Variants in ZBED3 observed in about 807,000 individuals in gnomAD.
ZBED3 encodes zinc finger BED-type containing 3.
For missense variants in ZBED3, 388 were observed against 362.9 expected (o/e 1.07, Z -0.56); for synonymous variants, 175 against 180.0 (o/e 0.97, Z 0.22).
In ZBED3 at chr5:77,076,005, A is replaced by ATG. The variant is rs1332212478; in HGVS notation, c.*1168_*1169insCA. ...TGTATATATATATGTATATATGTAT[A>ATG]TATATATGTATATATGTATATATAT... On this transcript the variant is annotated 3_prime_UTR_variant, in exon 3 of 3. Coordinates refer to ENST00000255198, the MANE Select transcript of ZBED3 (RefSeq NM_032367.4). 4 of 51,632 alleles carry ATG rather than the reference A, an allele frequency of 7.7e-5. No homozygotes were observed. The highest frequency in any genetic ancestry group is 4.2e-4 in the South Asian group (1 of 2,384). The allele number at this position is 51,632 out of a possible 1,614,324, so 3.2% of individuals were successfully genotyped here.
At position 77,077,797 on chromosome 5, in the gene ZBED3, C is replaced by T; in HGVS notation, c.82G>A (p.Gly28Arg). 7.6e-7 allele frequency: 1 copy of T among 1,309,696 alleles called. No individual in the cohort carries two copies. The highest frequency in any genetic ancestry group is 9.7e-7 in the Non-Finnish European group (1 of 1,034,858). 81.1% of individuals were successfully genotyped at this position (1,309,696 alleles called of 1,614,324 possible). The change falls in exon 3 of 3, where the codon GGA (glycine) becomes AGA (arginine). Residue 28 changes from glycine to arginine, a missense_variant. Transcript: ENST00000255198. ...DAAARGGQCPGLGPAPTPTPP... is the reference protein window; with the variant it reads ...DAAARGGQCPRLGPAPTPTPP... ...GTCGGCGTCGGCGCCGGCCCCAGTC[C>T]CGGACACTGACCGCCCCGCGCCGCC...
chr5:77,077,508 G>A lies in ZBED3; in HGVS notation c.371C>T (p.Ala124Val). The A allele has an allele frequency of 4.2e-6, 5 of 1,195,098 alleles. No homozygotes were observed. Among genetic ancestry groups the A allele is most frequent in the African/African-American group, 1.6e-5 (1 of 62,470 alleles). 74.0% of individuals were successfully genotyped at this position (1,195,098 alleles called of 1,614,324 possible). The change falls in exon 3 of 3, where the codon GCC becomes GTC. Residue 124 changes from alanine to valine, a missense_variant. Coordinates refer to ENST00000255198, the MANE Select transcript of ZBED3 (RefSeq NM_032367.4). Reference sequence around the variant, plus strand: ...CAGGCGCGCCCAGTCGCCCTCGGGGGCCGCAGCGGGGCCGGGCGGCGGCGG... The same window carrying A: ...CAGGCGCGCCCAGTCGCCCTCGGGGACCGCAGCGGGGCCGGGCGGCGGCGG... ...PCPPPPGPAA[A>V]PEGDWARLLE...
chr5:77,074,658 A>C lies in ZBED3; in HGVS notation c.*2516T>G, dbSNP rs904942225. On this transcript the variant is annotated 3_prime_UTR_variant, in exon 3 of 3. Transcript: ENST00000255198. ...ATATTAATGTCACTAATTCCAGTCA[A>C]TTCCATTAACTGGAATTAATTAGTT... 1 of 152,214 alleles carries C rather than the reference A, an allele frequency of 6.6e-6. No individual in the cohort carries two copies. 9.4% of individuals were successfully genotyped at this position (152,214 alleles called of 1,614,324 possible).
Position 77,076,605 on chromosome 5 carries a change from G to C in ZBED3, c.*569C>G, listed in dbSNP as rs1561296765. 1 of 152,118 alleles carries C rather than the reference G, an allele frequency of 6.6e-6. No homozygotes were observed. The highest frequency in any genetic ancestry group is 1.5e-5 in the Non-Finnish European group (1 of 68,078). The allele number at this position is 152,118 out of a possible 1,614,324, so 9.4% of individuals were successfully genotyped here. A position where few individuals can be genotyped will look rare whatever the true frequency, so the allele number is the denominator to read the frequency against. On this transcript the variant is annotated 3_prime_UTR_variant, in exon 3 of 3. Transcript: ENST00000255198. ...CCGATGAGGGCTAGAGATGATGCGG[G>C]TCTACAGCAGTCATGGAAACTAGAG...
At chr5:77,084,510 A>C (rs1239996360) in intron 1 of ZBED3, among the ~76,000 whole-genome samples, 1 of 152,164 alleles carries the variant, frequency 6.6e-6, no homozygotes, top group African/African-American at 2.4e-5. Flanking sequence ...GCCACGTGGA[A>C]CTTTAAGTCC....
chr5:77,086,245 C>T (rs1320528106), intron 1 of ZBED3, among the ~76,000 whole-genome samples: 1 of 152,058 alleles, frequency 6.6e-6, no homozygotes, highest in Non-Finnish European at 1.5e-5. Flanking sequence ...CTTTGTGACT[C>T]AAAGATTTTT....
chr5:77,076,005 ATATATATGTATATATGTATATATATATG>A lies in ZBED3; in HGVS notation c.*1141_*1168del, dbSNP rs1561296511. 12 of 51,656 alleles carry A rather than the reference ATATATATGTATATATGTATATATATATG, an allele frequency of 2.3e-4. No homozygotes were observed. Among genetic ancestry groups the A allele is most frequent in the African/African-American group, 7.3e-4 (11 of 15,130 alleles). The allele number at this position is 51,656 out of a possible 1,614,324, so 3.2% of individuals were successfully genotyped here. On this transcript the variant is annotated 3_prime_UTR_variant, in exon 3 of 3. Transcript: ENST00000255198. ...TGTATATATATATGTATATATGTAT[ATATATATGTATATATGTATATATATATG>A]TATATATGTATATATATATATAATA...
At position 77,077,895 on chromosome 5, in the gene ZBED3, G is replaced by C; in HGVS notation, c.-17C>G. 8.0e-7 allele frequency: 1 copy of C among 1,250,424 alleles called. No individual in the cohort carries two copies. The highest frequency in any genetic ancestry group is 3.4e-5 in the South Asian group (1 of 29,800). The allele number at this position is 1,250,424 out of a possible 1,614,324, so 77.5% of individuals were successfully genotyped here. Reference sequence around the variant, plus strand: ...ACTCCTCATTCTGCGGCGCCCGCACGCTGGGGAGCAGGGGAAGAATAATAA... The same window carrying C: ...ACTCCTCATTCTGCGGCGCCCGCACCCTGGGGAGCAGGGGAAGAATAATAA... On this transcript the variant is annotated splice_region_variant and 5_prime_UTR_variant, in exon 3 of 3. Transcript: ENST00000255198.
chr5:77,077,798 C>T lies in ZBED3; in HGVS notation c.81G>A (p.Pro27=). 1 of 1,306,996 alleles carries T rather than the reference C, an allele frequency of 7.7e-7. No homozygotes were observed. Among genetic ancestry groups the T allele is most frequent in the Non-Finnish European group, 9.7e-7 (1 of 1,033,390 alleles). The allele number at this position is 1,306,996 out of a possible 1,614,324, so 81.0% of individuals were successfully genotyped here. A position where few individuals can be genotyped will look rare whatever the true frequency, so the allele number is the denominator to read the frequency against. ...TCGGCGTCGGCGCCGGCCCCAGTCC[C>T]GGACACTGACCGCCCCGCGCCGCCG... The part of the protein sequence containing the change: ...DDAAARGGQC[P]GLGPAPTPTP... The change falls in exon 3 of 3, where the codon CCG becomes CCA. Residue 27 remains proline (P), a synonymous_variant. Coordinates refer to ENST00000255198, the MANE Select transcript of ZBED3 (RefSeq NM_032367.4).
intron 1 of ZBED3, among the ~76,000 whole-genome samples, chr5:77,082,662 TAAG>T (rs1407551929): frequency 6.6e-6 from 1 of 151,560 alleles, no homozygotes; most frequent in Non-Finnish European, 1.5e-5. Context: ...TGAAGAAAAA[TAAG>T]GAGATACTAT....
Position 77,073,332 on chromosome 5 carries a change from A to G in ZBED3, c.*3842T>C, listed in dbSNP as rs1742917477. ...GAGATAGAAGAGTAACATTTGTGGA[A>G]GTCTTTTTTTTTCCTTCTAAAAAGG... On this transcript the variant is annotated 3_prime_UTR_variant, in exon 3 of 3. Coordinates refer to ENST00000255198, the MANE Select transcript of ZBED3 (RefSeq NM_032367.4). 2 of 152,168 alleles carry G rather than the reference A, an allele frequency of 1.3e-5. No individual in the cohort carries two copies. The highest frequency in any genetic ancestry group is 2.9e-5 in the Non-Finnish European group (2 of 68,028). The allele number at this position is 152,168 out of a possible 1,614,324, so 9.4% of individuals were successfully genotyped here.
At position 77,076,941 on chromosome 5, in the gene ZBED3, C is replaced by T; in HGVS notation, c.*233G>A. Reference sequence around the variant, plus strand: ...TCCTTGCGTGCATGCCCACGAAAGGCCGCCCAGGCACCCCCGGTGACCCCA... The same window carrying T: ...TCCTTGCGTGCATGCCCACGAAAGGTCGCCCAGGCACCCCCGGTGACCCCA... On this transcript the variant is annotated 3_prime_UTR_variant, in exon 3 of 3. Coordinates refer to ENST00000255198, the MANE Select transcript of ZBED3 (RefSeq NM_032367.4). 1 of 354,090 alleles carries T rather than the reference C, an allele frequency of 2.8e-6. No homozygotes were observed. The highest frequency in any genetic ancestry group is 5.0e-6 in the Non-Finnish European group (1 of 199,464). 21.9% of individuals were successfully genotyped at this position (354,090 alleles called of 1,614,324 possible).
chr5:77,083,140 A>G (rs1316586572), intron 1 of ZBED3, among the ~76,000 whole-genome samples: 1 of 152,142 alleles, frequency 6.6e-6, no homozygotes, highest in African/African-American at 2.4e-5. Flanking sequence ...TCCATCTCAG[A>G]AAAACAAAAA....
Position 77,077,670 on chromosome 5 carries a change from C to T in ZBED3, c.209G>A (p.Arg70His). The change falls in exon 3 of 3, where the codon CGT becomes CAT. Residue 70 changes from arginine (R) to histidine (H), a missense_variant. By Grantham distance (29) the Arg-to-His change is conservative. Coordinates refer to ENST00000255198, the MANE Select transcript of ZBED3 (RefSeq NM_032367.4). ...GCGGCCCACCTGCTCCCCGCACAGACGGCAGGTGGCCCAGTGGCCCGACGG... is the reference window on the plus strand; with the variant it reads ...GCGGCCCACCTGCTCCCCGCACAGATGGCAGGTGGCCCAGTGGCCCGACGG... ...GHPSGHWATC[R>H]LCGEQVGRGP... 1 of 1,387,760 alleles carries T rather than the reference C, an allele frequency of 7.2e-7. No individual in the cohort carries two copies. Among genetic ancestry groups the T allele is most frequent in the Admixed American group, 3.2e-5 (1 of 31,416 alleles). 86.0% of individuals were successfully genotyped at this position (1,387,760 alleles called of 1,614,324 possible). A position where few individuals can be genotyped will look rare whatever the true frequency, so the allele number is the denominator to read the frequency against.
chr5:77,076,029 A>G lies in ZBED3; in HGVS notation c.*1145T>C, dbSNP rs867728784. The G allele has an allele frequency of 3.1e-4, 27 of 86,134 alleles. 7 individuals carry two copies. In the East Asian group the frequency reaches 8.6e-3, roughly 28 times the overall value. 5.3% of individuals were successfully genotyped at this position (86,134 alleles called of 1,614,324 possible). ...TATATATATGTATATATGTATATAT[A>G]TATGTATATATGTATATATATATAT... On this transcript the variant is annotated 3_prime_UTR_variant, in exon 3 of 3. Transcript: ENST00000255198.
intron 2 of ZBED3, 71 bp from the exon 3 acceptor site, chr5:77,077,966 A>C (rs1392147731): frequency 9.1e-7 from 1 of 1,103,304 alleles, no homozygotes; most frequent in Non-Finnish European, 1.1e-6. Context: ...CAGTTAGCCT[A>C]AGAAACCATG....
chr5:77,080,487 C>T, intron 1 of ZBED3: 1 of 517,034 alleles, frequency 1.9e-6, no homozygotes. Context: ...GGGACATCCT[C>T]TGCCTGGGCA....
At position 77,073,278 on chromosome 5, in the gene ZBED3, C is replaced by A. The variant is rs555770223; in HGVS notation, c.*3896G>T. On this transcript the variant is annotated 3_prime_UTR_variant, in exon 3 of 3. Coordinates refer to ENST00000255198, the MANE Select transcript of ZBED3 (RefSeq NM_032367.4). ...GAGTAGTTAAGATTCTAAATCCTTT[C>A]CTATGTTTTAATGGTTCTTACAATT... is the stretch of plus-strand genomic sequence containing the variant. 6.6e-6 allele frequency: 1 copy of A among 152,080 alleles called. No homozygotes were observed. The allele number at this position is 152,080 out of a possible 1,614,324, so 9.4% of individuals were successfully genotyped here.
intron 1 of ZBED3, among the ~76,000 whole-genome samples, chr5:77,082,965 G>A (rs368482582): frequency 2.0e-5 from 3 of 152,010 alleles, no homozygotes; most frequent in South Asian, 4.2e-4. Flanking sequence ...GTGAAACCCC[G>A]TCTCTACTAA....
Sources: allele counts gnomAD v4.1 joint callset (sites outside exome capture counted in the v4.1 genomes callset), GRCh38; gene constraint gnomAD v4.1.1; transcripts MANE v1.5; gene names NCBI Gene and HGNC (gene_info 2026-07-23, HGNC 2026-07-21).